Variants in ZNF366 observed in about 807,000 individuals in gnomAD.
ZNF366 encodes zinc finger protein 366, also known as dendritic cell-specific transcript protein.
A neutral mutation model predicts 47.2 loss-of-function variants in ZNF366; 20 were observed. That is an observed-to-expected ratio of 0.42 (90% confidence interval 0.30 to 0.62). The LOEUF is 0.62. Among genes scored for constraint, ZNF366 ranks in the 20% least tolerant of loss-of-function variants. The pLI is 0.16. For synonymous variants in ZNF366, 421 were observed against 395.1 expected (o/e 1.07, Z -0.78); for missense variants, 987 against 976.3 (o/e 1.01, Z -0.15).
intron 3 of ZNF366, among the ~76,000 whole-genome samples, chr5:72,448,439 G>T (rs1743001830): frequency 6.6e-6 from 1 of 152,166 alleles, no homozygotes; most frequent in Non-Finnish European, 1.5e-5. Context: ...AGACTTCTCT[G>T]GGGGTGCTTT....
Position 72,460,825 on chromosome 5 carries a change from C to G in ZNF366, c.672G>C (p.Glu224Asp), listed in dbSNP as rs376125508. 2 of 1,614,112 alleles carry G rather than the reference C, an allele frequency of 1.2e-6. No individual in the cohort carries two copies. The highest frequency in any genetic ancestry group is 1.7e-6 in the Non-Finnish European group (2 of 1,179,998). Reference sequence around the variant, plus strand: ...CCACCCTCTCCACCTTCTGCTTGGTCTCCTCGCTCTCCTGGGGCTCGGCTT... The same window carrying G: ...CCACCCTCTCCACCTTCTGCTTGGTGTCCTCGCTCTCCTGGGGCTCGGCTT... ...PRKAEPQESE[E>D]TKQKVERVDV... Residue 224 changes from glutamate (E) to aspartate (D), a missense_variant, in exon 2 of 5, where the codon GAG (glutamate) becomes GAC (aspartate). Physicochemically the swap from Glu to Asp is conservative, Grantham distance 45. This residue lies in a region of ZNF366 where 591 missense variants were observed against 560.9 expected (regional missense o/e 1.05). Coordinates refer to ENST00000318442, the MANE Select transcript of ZNF366 (RefSeq NM_152625.3).
intron 1 of ZNF366, among the ~76,000 whole-genome samples, chr5:72,483,635 C>A (rs907345318): frequency 3.9e-5 from 6 of 152,196 alleles, no homozygotes; most frequent in African/African-American, 7.2e-5. Context: ...GTGGCTCTGG[C>A]AGAGTTTGGG....
In ZNF366 at chr5:72,443,796, T is replaced by G; in HGVS notation, c.2195A>C (p.Glu732Ala). ...CACTGCTTGTTTTTCCATTTTCCTC[T>G]CCAGTAATTCTTTCAAACTCTCATC... ...HRDESLKELL[E>A]RKMEKQAVLL... The change falls in exon 5 of 5, where the codon GAG (glutamate) becomes GCG (alanine). Residue 732 changes from glutamate (E) to alanine (A), a missense_variant. Physicochemically the swap from Glu to Ala is moderately radical, Grantham distance 107. Transcript: ENST00000318442. The G allele has an allele frequency of 6.2e-7, 1 of 1,613,964 alleles. No individual in the cohort carries two copies. The highest frequency in any genetic ancestry group is 8.5e-7 in the Non-Finnish European group (1 of 1,179,986).
chr5:72,447,545 G>T (rs1270067534), intron 3 of ZNF366, 128 bp from the exon 4 acceptor site: 19 of 1,122,838 alleles, frequency 1.7e-5, no homozygotes, highest in Non-Finnish European at 2.4e-5. Flanking sequence ...CAAGGAAAAT[G>T]TCCATAAGGA....
At chr5:72,475,868 CG>C (rs1743663524) in intron 1 of ZNF366, among the ~76,000 whole-genome samples, 1 of 152,044 alleles carries the variant, frequency 6.6e-6, no homozygotes, top group Admixed American at 6.6e-5. Flanking sequence ...AATCTGGCCT[CG>C]GGGAACACGG....
chr5:72,474,440 A>G (rs1265739366), intron 1 of ZNF366, among the ~76,000 whole-genome samples: 1 of 152,208 alleles, frequency 6.6e-6, no homozygotes, highest in Non-Finnish European at 1.5e-5. Context: ...CATTGAAATA[A>G]TCACAGGACT....
chr5:72,480,930 C>G (rs1324985939), intron 1 of ZNF366, among the ~76,000 whole-genome samples: 1 of 152,086 alleles, frequency 6.6e-6, no homozygotes, highest in Non-Finnish European at 1.5e-5. Flanking sequence ...TTTAAGAGCC[C>G]CTGTATATCG....
chr5:72,460,115 C>CGAG, intron 2 of ZNF366, 50 bp downstream of exon 2: 1 of 1,582,078 alleles, frequency 6.3e-7, no homozygotes, highest in South Asian at 1.2e-5. Flanking sequence ...GCTCAGGGCC[C>CGAG]CGCTCCTCTT....
intron 1 of ZNF366, among the ~76,000 whole-genome samples, chr5:72,504,271 GGT>G (rs1297552088): frequency 3.3e-5 from 5 of 151,928 alleles, no homozygotes; most frequent in Non-Finnish European, 7.4e-5. Flanking sequence ...GCTGAGTCAT[GGT>G]ACAACCACGA....
chr5:72,476,779 A>C (rs1396292958), intron 1 of ZNF366, among the ~76,000 whole-genome samples: 2 of 152,174 alleles, frequency 1.3e-5, no homozygotes, highest in Non-Finnish European at 2.9e-5. Flanking sequence ...TCCCACATCA[A>C]GACCCTGCCC....
chr5:72,469,131 C>T (rs966106719), intron 1 of ZNF366, among the ~76,000 whole-genome samples: 53 of 152,146 alleles, frequency 3.5e-4, no homozygotes, highest in African/African-American at 1.2e-3. Flanking sequence ...CCAGAAAATA[C>T]GATGATCTGC....
In ZNF366 at chr5:72,460,186, C is replaced by T. The variant is rs1369486994; in HGVS notation, c.1311G>A (p.Lys437=). Reference sequence around the variant, plus strand: ...GTACCTTGTGGGTGAGGGAGTGCTGCTTGAGGTGGTGCGGCTGCACAAACT... The same window carrying T: ...GTACCTTGTGGGTGAGGGAGTGCTGTTTGAGGTGGTGCGGCTGCACAAACT... ...GMEFVQPHHL[K]QHSLTHKGVK... The change falls in exon 2 of 5, where the codon AAG becomes AAA. Residue 437 remains lysine, a synonymous_variant. Coordinates refer to ENST00000318442, the MANE Select transcript of ZNF366 (RefSeq NM_152625.3). The T allele has an allele frequency of 6.2e-7, 1 of 1,614,186 alleles. No individual in the cohort carries two copies. Among genetic ancestry groups the T allele is most frequent in the South Asian group, 1.1e-5 (1 of 91,074 alleles).
chr5:72,470,817 G>A (rs1195087216), intron 1 of ZNF366, among the ~76,000 whole-genome samples: 1 of 152,186 alleles, frequency 6.6e-6, no homozygotes, highest in East Asian at 1.9e-4. Flanking sequence ...AGGTGCTTTA[G>A]CCATGGCATA....
intron 1 of ZNF366, among the ~76,000 whole-genome samples, chr5:72,505,229 T>C (rs545222967): frequency 6.6e-6 from 1 of 152,294 alleles, no homozygotes; most frequent in South Asian, 2.1e-4. Context: ...TTTCCACAAA[T>C]GCCAACTCAC....
intron 4 of ZNF366, among the ~76,000 whole-genome samples, chr5:72,444,552 A>G (rs1336651014): frequency 6.6e-6 from 1 of 152,212 alleles, no homozygotes; most frequent in Non-Finnish European, 1.5e-5. Context: ...CTGAGAATTT[A>G]AACTGAAAAA....
chr5:72,471,125 A>G (rs1409418339), intron 1 of ZNF366, among the ~76,000 whole-genome samples: 2 of 152,200 alleles, frequency 1.3e-5, no homozygotes, highest in Admixed American at 1.3e-4. Flanking sequence ...CAATAGCTGC[A>G]GATTCCCCGT....
rs1161946939 is a variant in ZNF366, at chr5:72,456,422, C to T, written c.1506G>A (p.Val502=). Residue 502 remains valine (V), a synonymous_variant, in exon 3 of 5, where the codon GTG becomes GTA. Transcript: ENST00000318442. ...TGCCCACCTTGCATTTGAAAGGCTT[C>T]ACGTCAGAGTGGACGATCATGTGTG... ...LKAHMIVHSD[V]KPFKCKLCGK... is the part of the protein sequence containing the mutation. The T allele has an allele frequency of 1.2e-6, 2 of 1,605,348 alleles. No individual in the cohort carries two copies. Among genetic ancestry groups the T allele is most frequent in the East Asian group, 4.5e-5 (2 of 44,722 alleles).
chr5:72,495,797 A>T (rs954789270), intron 1 of ZNF366, among the ~76,000 whole-genome samples: 1 of 152,164 alleles, frequency 6.6e-6, no homozygotes, highest in African/African-American at 2.4e-5. Context: ...CCACTATAAA[A>T]GAGCTGGTAT....
chr5:72,453,591 T>C (rs1218584630), intron 3 of ZNF366, among the ~76,000 whole-genome samples: 1 of 152,240 alleles, frequency 6.6e-6, no homozygotes, highest in Non-Finnish European at 1.5e-5. Flanking sequence ...TTGAGATGGC[T>C]CACGCCACCA....
Sources: gnomAD v4.1 joint callset for allele counts (sites outside exome capture counted in the v4.1 genomes callset) on GRCh38, gnomAD v4.1.1 for gene constraint, gnomAD v4.1.1 regional missense constraint, MANE v1.5 for transcripts, NCBI Gene and HGNC (gene_info 2026-07-23, HGNC 2026-07-21) for gene names.